BBS9: variants seen among roughly 807,000 people sequenced by gnomAD.
BBS9 encodes the protein protein PTHB1.
A neutral mutation model predicts 117.7 loss-of-function variants in BBS9; 89 were observed. The observed-to-expected ratio is 0.76, with a 90% CI of 0.64 to 0.90. The LOEUF (loss-of-function observed/expected upper bound fraction) is 0.90. Among genes scored for constraint, BBS9 ranks in the 40% least tolerant of loss-of-function variants. The pLI is 0.00. For synonymous variants in BBS9, 379 were observed against 370.9 expected (o/e 1.02, Z -0.25); for missense variants, 982 against 1,042.2 (o/e 0.94, Z 0.80).
chr7:33,619,884 C>T (rs80296823), intron 21 of BBS9, among the ~76,000 whole-genome samples: 2,374 of 151,980 alleles, frequency 0.016, 74 homozygotes, highest in African/African-American at 0.054. Flanking sequence ...GCAATAAATG[C>T]CTACATCAAA....
chr7:33,166,848 G>A (rs1481034688), intron 4 of BBS9, among the ~76,000 whole-genome samples: 5 of 152,190 alleles, frequency 3.3e-5, no homozygotes, highest in Admixed American at 2.6e-4. Flanking sequence ...TGGGTGAGGT[G>A]ATGCCCCACC....
At chr7:33,353,034 T>C (rs555569773) in intron 15 of BBS9, among the ~76,000 whole-genome samples, 161 bp downstream of exon 15, 1 of 152,270 alleles carries the variant, frequency 6.6e-6, no homozygotes, top group South Asian at 2.1e-4. Context: ...ATGGAGAGCA[T>C]AGTAGATGTT....
intron 21 of BBS9, chr7:33,534,427 T>C (rs1165886746): frequency 1.8e-6 from 1 of 543,310 alleles, no homozygotes; most frequent in Admixed American, 3.1e-5. Context: ...TGATCCATTT[T>C]GTTTTGCTTC....
At chr7:33,526,736 C>T (rs1159240344) in intron 20 of BBS9, among the ~76,000 whole-genome samples, 1 of 150,726 alleles carries the variant, frequency 6.6e-6, no homozygotes, top group Non-Finnish European at 1.5e-5. Context: ...CTGAAGCCTT[C>T]TTCTCTCAGC....
In BBS9 at chr7:33,407,652, A is replaced by G. The variant is rs1252969270; in HGVS notation, c.2115+19508A>G. On this transcript the variant is annotated intron_variant, in intron 19 of 22. Transcript: ENST00000242067. ...TCTGTTTGTTTGTTTTCCTTCTAAC[A>G]GACAGGACCCTCAGCTGCAGGTCTG... Among the ~76,000 whole-genome samples, 4 of 152,226 alleles carry G rather than the reference A, an allele frequency of 2.6e-5. No homozygotes were observed. The East Asian group carries it at 7.7e-4, about 29-fold the overall frequency.
chr7:33,421,862 A>C (rs1319461506), intron 19 of BBS9, among the ~76,000 whole-genome samples: 4 of 152,314 alleles, frequency 2.6e-5, no homozygotes, highest in Non-Finnish European at 5.9e-5. Flanking sequence ...GGTGTATTTT[A>C]CTTGCTTTTC....
At chr7:33,352,826 C>G in intron 14 of BBS9, 33 bp from the exon 15 acceptor site, 2 of 1,609,494 alleles carry the variant, frequency 1.2e-6, no homozygotes, top group Non-Finnish European at 8.5e-7. Context: ...TTCTTTTCCC[C>G]CTACCCATTT....
intron 4 of BBS9, 38 bp downstream of exon 4, chr7:33,155,740 A>G: frequency 9.0e-7 from 1 of 1,113,304 alleles, no homozygotes; most frequent in Non-Finnish European, 1.3e-6. Context: ...TTTATATTAC[A>G]AATTGGGCTT....
intron 1 of BBS9, among the ~76,000 whole-genome samples, chr7:33,138,658 A>G (rs1232418791): frequency 2.0e-5 from 3 of 151,080 alleles, no homozygotes; most frequent in African/African-American, 7.2e-5. Flanking sequence ...TTTAAGAGAC[A>G]GGGTCTGGCT....
rs140251052 is a variant in BBS9, at chr7:33,630,334, A to G, written c.2522-4843A>G. Among the ~76,000 whole-genome samples, 331 of 152,334 alleles carry G rather than the reference A, an allele frequency of 2.2e-3. 2 individuals are homozygous for G. The highest frequency in any genetic ancestry group is 0.01 in the Middle Eastern group (3 of 294). On this transcript the variant is annotated intron_variant, in intron 21 of 21. Coordinates refer to the BBS9 transcript ENST00000671952. ...CGAAAAGCATGTAAGAGAAATTTAAAGTGTACAAGTTCAAATTTTTTTTTT... is the reference window on the plus strand; with the variant it reads ...CGAAAAGCATGTAAGAGAAATTTAAGGTGTACAAGTTCAAATTTTTTTTTT...
intron 19 of BBS9, among the ~76,000 whole-genome samples, chr7:33,486,681 G>C (rs7804723): frequency 6.6e-6 from 1 of 152,012 alleles, no homozygotes; most frequent in Non-Finnish European, 1.5e-5. Flanking sequence ...CTGGAAGTCA[G>C]CTTCTTCTTC....
intron 19 of BBS9, among the ~76,000 whole-genome samples, chr7:33,409,861 A>G (rs1343407942): frequency 6.6e-6 from 1 of 152,080 alleles, no homozygotes; most frequent in African/African-American, 2.4e-5. Flanking sequence ...TTTTTGCTAC[A>G]TGTATTTCCC....
chr7:33,537,163 G>T (rs1851576784), intron 21 of BBS9, among the ~76,000 whole-genome samples: 1 of 152,174 alleles, frequency 6.6e-6, no homozygotes, highest in South Asian at 2.1e-4. Flanking sequence ...AGGCAGGAGT[G>T]TGTGTAATTT....
At chr7:33,219,478 G>A (rs186572350) in intron 5 of BBS9, among the ~76,000 whole-genome samples, 1 of 152,104 alleles carries the variant, frequency 6.6e-6, no homozygotes, top group Non-Finnish European at 1.5e-5. Context: ...TGTCTAGCTC[G>A]GGGATTGTAA....
At chr7:33,220,422 T>C (rs182773719) in intron 5 of BBS9, among the ~76,000 whole-genome samples, 1 of 152,338 alleles carries the variant, frequency 6.6e-6, no homozygotes, top group Admixed American at 6.5e-5. Context: ...GTTGAGGTTA[T>C]TTCCAGTCGA....
At chr7:33,275,692 C>G in intron 9 of BBS9, among the ~76,000 whole-genome samples, 1 of 152,042 alleles carries the variant, frequency 6.6e-6, no homozygotes, top group East Asian at 1.9e-4. Flanking sequence ...GTAGAAAGAC[C>G]TTATTGAGAA....
intron 1 of BBS9, among the ~76,000 whole-genome samples, chr7:33,142,928 A>G (rs1791731812): frequency 6.6e-6 from 1 of 151,816 alleles, no homozygotes; most frequent in African/African-American, 2.4e-5. Flanking sequence ...ATTCTTTTGG[A>G]TATCCACCAA....
rs1813531173 is a variant in BBS9 at position 33,329,471 on chromosome 7, A to T, written c.1017-6970A>T. Among the ~76,000 whole-genome samples, 4 of 152,286 alleles carry T rather than the reference A, an allele frequency of 2.6e-5. No homozygotes were observed. The South Asian group carries it at 8.3e-4, about 32-fold the overall frequency. ...AAACAGAATAAAATGTACATGCAGTATTATGTTTTACTTTTACATTTATTA... is the reference window on the plus strand; with the variant it reads ...AAACAGAATAAAATGTACATGCAGTTTTATGTTTTACTTTTACATTTATTA... On this transcript the variant is annotated intron_variant, in intron 9 of 22. Transcript: ENST00000242067.
In BBS9 at chr7:33,246,035, T is replaced by A. The variant is rs566171516; in HGVS notation, c.443-11201T>A. ...AGTGGGTTGATAACATGATTGCATT[T>A]GTATATTAAGATGAATATTTTGGTA... On this transcript the variant is annotated intron_variant, in intron 5 of 22. Transcript: ENST00000242067. 3.9e-5 allele frequency among the ~76,000 whole-genome samples: 6 copies of A among 152,286 alleles called. No individual in the cohort carries two copies. In the South Asian group the frequency reaches 1.2e-3, roughly 32 times the overall value.
Sources: allele counts gnomAD v4.1 joint callset (sites outside exome capture counted in the v4.1 genomes callset), GRCh38; gene constraint gnomAD v4.1.1; transcripts MANE v1.5; gene names NCBI Gene and HGNC (gene_info 2026-07-23, HGNC 2026-07-21).